Variants in GABBR2 observed in about 807,000 individuals in gnomAD.
GABBR2 encodes G-protein coupled receptor 51.
GABBR2 carries 23 observed loss-of-function variants against 105.6 expected under a neutral mutation model. The observed-to-expected ratio is 0.22, with a 90% CI of 0.16 to 0.31. GABBR2 has a LOEUF of 0.31. Ranked by LOEUF, GABBR2 falls within the 10% of genes least tolerant of loss-of-function variation. GABBR2 has a pLI of 1.00. For synonymous variants in GABBR2, 478 were observed against 499.7 expected, an observed-to-expected ratio of 0.96 and a Z score of 0.58; for missense variants, 734 against 1,245.5, an observed-to-expected ratio of 0.59 and a Z score of 6.18.
chr9:98,668,918 TA>T (rs1830372806), intron 1 of GABBR2, among the ~76,000 whole-genome samples: 2 of 147,642 alleles, frequency 1.4e-5, no homozygotes, highest in Non-Finnish European at 3.0e-5. Flanking sequence ...TGTGTGTGTG[TA>T]CACTAAATTT....
At chr9:98,450,438 G>A (rs1353393577) in intron 7 of GABBR2, among the ~76,000 whole-genome samples, 1 of 152,118 alleles carries the variant, frequency 6.6e-6, no homozygotes, top group Non-Finnish European at 1.5e-5. Flanking sequence ...CTATTAATAT[G>A]TGACAAAGGA....
At chr9:98,403,759 ATAT>A (rs1564053871) in intron 8 of GABBR2, among the ~76,000 whole-genome samples, 146 of 138,726 alleles carry the variant, frequency 1.1e-3, no homozygotes, top group African/African-American at 3.4e-3. Flanking sequence ...AAAAAAAAAT[ATAT>A]ATATATATAC....
intron 3 of GABBR2, among the ~76,000 whole-genome samples, chr9:98,536,060 A>T (rs1828173413): frequency 6.6e-6 from 1 of 152,150 alleles, no homozygotes; most frequent in African/African-American, 2.4e-5. Flanking sequence ...GAGAATGAGG[A>T]GGCTGTGCCT....
At chr9:98,338,407 A>T (rs1004772797) in intron 13 of GABBR2, among the ~76,000 whole-genome samples, 1 of 152,214 alleles carries the variant, frequency 6.6e-6, no homozygotes, top group Admixed American at 6.5e-5. Flanking sequence ...ATATATAAAG[A>T]ACTCTTACAA....
At chr9:98,675,966 T>C (rs991808905) in intron 1 of GABBR2, among the ~76,000 whole-genome samples, 3 of 152,158 alleles carry the variant, frequency 2.0e-5, no homozygotes, top group Non-Finnish European at 2.9e-5. Flanking sequence ...CTGTAATAGA[T>C]AGAACAAAGC....
intron 1 of GABBR2, among the ~76,000 whole-genome samples, chr9:98,629,058 A>T (rs577566347): frequency 2.4e-4 from 37 of 152,344 alleles, no homozygotes; most frequent in Non-Finnish European, 4.9e-4. Context: ...AAAGCTTCAG[A>T]TTCTAAAAAA....
chr9:98,382,450 A>G (rs1245264890), intron 11 of GABBR2, among the ~76,000 whole-genome samples: 1 of 152,064 alleles, frequency 6.6e-6, no homozygotes, highest in Non-Finnish European at 1.5e-5. Context: ...AGTAGCTGGG[A>G]CTACAGGCGC....
intron 1 of GABBR2, among the ~76,000 whole-genome samples, chr9:98,642,378 A>T (rs978663648): frequency 6.6e-6 from 1 of 151,794 alleles, no homozygotes; most frequent in African/African-American, 2.4e-5. Flanking sequence ...TTGGCAACAG[A>T]CTCCTCAGCA....
chr9:98,571,271 A>G (rs1828825863), intron 2 of GABBR2, among the ~76,000 whole-genome samples: 1 of 152,148 alleles, frequency 6.6e-6, no homozygotes, highest in South Asian at 2.1e-4. Context: ...GGTGCACTCC[A>G]TGGACTGTGC....
At chr9:98,415,285 A>T (rs1442748343) in intron 7 of GABBR2, among the ~76,000 whole-genome samples, 7 of 152,214 alleles carry the variant, frequency 4.6e-5, no homozygotes, top group Non-Finnish European at 1.5e-5. Context: ...AAAACTTTTT[A>T]AAAAGATGTG....
chr9:98,376,579 G>C (rs886576386), intron 11 of GABBR2, among the ~76,000 whole-genome samples: 5 of 152,198 alleles, frequency 3.3e-5, no homozygotes, highest in African/African-American at 7.2e-5. Context: ...TGAGGTATGA[G>C]GTGGGGAAGC....
At chr9:98,588,241 T>A (rs539756153) in intron 1 of GABBR2, among the ~76,000 whole-genome samples, 1 of 152,320 alleles carries the variant, frequency 6.6e-6, no homozygotes, top group East Asian at 1.9e-4. Flanking sequence ...CCCAGCACCA[T>A]ATCCAACTGA....
At chr9:98,394,598 C>A (rs1251446645) in intron 8 of GABBR2, among the ~76,000 whole-genome samples, 1 of 152,202 alleles carries the variant, frequency 6.6e-6, no homozygotes, top group East Asian at 1.9e-4. Flanking sequence ...GCTCAACTGG[C>A]TCTGCCCTCT....
At chr9:98,314,515 G>C (rs1053549211) in intron 13 of GABBR2, among the ~76,000 whole-genome samples, 1 of 152,176 alleles carries the variant, frequency 6.6e-6, no homozygotes, top group Non-Finnish European at 1.5e-5. Context: ...GTGTCATACA[G>C]CATTGCTCAA....
In GABBR2 at chr9:98,451,408, G is replaced by A. The variant is rs1035381356; in HGVS notation, c.1236+2573C>T. 2.6e-5 allele frequency among the ~76,000 whole-genome samples: 4 copies of A among 152,198 alleles called. No homozygotes were observed. The South Asian group carries it at 6.2e-4, about 24-fold the overall frequency. On this transcript the variant is annotated intron_variant, in intron 7 of 18. Coordinates refer to ENST00000259455, the MANE Select transcript of GABBR2 (RefSeq NM_005458.8). Reference sequence around the variant, plus strand: ...GAATCTAGGCTGTGCTACAGAAATGGACTTCGCCAATACATTGTGGGAGTG... The same window carrying A: ...GAATCTAGGCTGTGCTACAGAAATGAACTTCGCCAATACATTGTGGGAGTG...
intron 16 of GABBR2, 47 bp downstream of exon 16, chr9:98,303,194 G>A: frequency 6.6e-7 from 1 of 1,515,350 alleles, no homozygotes; most frequent in South Asian, 1.1e-5. Context: ...GGTTAGAGGG[G>A]CTTCAGTGGC....
chr9:98,607,172 C>G (rs11538080), intron 1 of GABBR2: 1 of 1,609,332 alleles, frequency 6.2e-7, no homozygotes, highest in South Asian at 1.1e-5. Flanking sequence ...AGTTGATACC[C>G]CAGGATTTGG....
chr9:98,638,690 A>T (rs1829915124), intron 1 of GABBR2, among the ~76,000 whole-genome samples: 1 of 152,166 alleles, frequency 6.6e-6, no homozygotes, highest in African/African-American at 2.4e-5. Context: ...GAAACTCCCC[A>T]GGCCTCCACA....
At chr9:98,373,257 A>G (rs760816351) in intron 11 of GABBR2, among the ~76,000 whole-genome samples, 3 of 152,228 alleles carry the variant, frequency 2.0e-5, no homozygotes, top group Admixed American at 6.5e-5. Flanking sequence ...CATCTTCAAC[A>G]AGTATTATTA....
Sources: gnomAD v4.1 joint callset for allele counts (sites outside exome capture counted in the v4.1 genomes callset) on GRCh38, gnomAD v4.1.1 for gene constraint, MANE v1.5 for transcripts, NCBI Gene and HGNC (gene_info 2026-07-23, HGNC 2026-07-21) for gene names.